Variants in NOX3 observed in about 807,000 individuals in gnomAD.
The protein encoded by NOX3 is NADPH oxidase catalytic subunit-like 3.
Under a neutral mutation model 76.7 loss-of-function variants are expected in NOX3, and 74 were observed. The observed-to-expected ratio is 0.96, with a 90% CI of 0.80 to 1.17. The LOEUF is 1.17. Among genes scored for constraint, NOX3 ranks in the 50% most tolerant of loss-of-function variants. NOX3 has a pLI of 0.00. For missense variants in NOX3, 695 were observed against 703.3 expected, an observed-to-expected ratio of 0.99 and a Z score of 0.13; for synonymous variants, 263 against 261.1, an observed-to-expected ratio of 1.01 and a Z score of -0.07.
chr6:155,433,024 A>T lies in NOX3; in HGVS notation c.799-2089T>A, dbSNP rs145383304. Among the ~76,000 whole-genome samples, 29 of 152,350 alleles carry T rather than the reference A, an allele frequency of 1.9e-4. No homozygotes were observed. In the East Asian group the frequency reaches 5.0e-3, roughly 26 times the overall value. ...AAAAGAGATACTGGCAAAGACACTC[A>T]GTCTTCATATATTTTTACAAATAAT... On this transcript the variant is annotated intron_variant, in intron 7 of 13. Transcript: ENST00000159060.
rs372643222 is a variant in NOX3 at position 155,422,781 on chromosome 6, C to T, written c.1221G>A (p.Ala407=). The T allele has an allele frequency of 6.6e-5, 107 of 1,614,068 alleles. No homozygotes were observed. The Middle Eastern group carries it at 1.2e-3, about 17-fold the overall frequency. Residue 407 remains alanine (A), a synonymous_variant, in exon 10 of 14, where the codon GCG becomes GCA. Transcript: ENST00000159060. ...CAGCGAAGGGAGTGACTCCGATCCC[C>T]GCGGCAACGCACACACACACTGGGT... ...FHYPVCVCVA[A]GIGVTPFAAL...
At chr6:155,425,480 A>G (rs1562464650) in intron 9 of NOX3, among the ~76,000 whole-genome samples, 1 of 152,130 alleles carries the variant, frequency 6.6e-6, no homozygotes, top group East Asian at 1.9e-4. Flanking sequence ...TACCCCATTA[A>G]GTTCCAGTCT....
At chr6:155,440,343 C>A (rs1439262991) in intron 5 of NOX3, among the ~76,000 whole-genome samples, 1 of 152,092 alleles carries the variant, frequency 6.6e-6, no homozygotes, top group East Asian at 1.9e-4. Context: ...TCTTCCACCC[C>A]CTTCCCACCA....
intron 12 of NOX3, among the ~76,000 whole-genome samples, chr6:155,401,455 C>A (rs74964010): frequency 0.013 from 1,983 of 152,204 alleles, 53 homozygotes; most frequent in African/African-American, 0.045. Context: ...ATAAAGGGCC[C>A]TGTATGCTAT....
At chr6:155,434,145 G>C (rs575388472) in intron 7 of NOX3, among the ~76,000 whole-genome samples, 25 of 152,264 alleles carry the variant, frequency 1.6e-4, no homozygotes, top group African/African-American at 4.8e-4. Context: ...CAGGTCCCAC[G>C]TGTCTGAATC....
chr6:155,455,235 T>C (rs941863303), intron 1 of NOX3, 106 bp from the exon 2 acceptor site: 12 of 682,056 alleles, frequency 1.8e-5, no homozygotes, highest in African/African-American at 7.3e-5. Context: ...AGCTTCTCAA[T>C]ATTAATCAGA....
intron 4 of NOX3, among the ~76,000 whole-genome samples, chr6:155,447,567 C>A (rs1777079924): frequency 6.6e-6 from 1 of 152,212 alleles, no homozygotes; most frequent in South Asian, 2.1e-4. Flanking sequence ...TTTCAAGAGG[C>A]AGCTTCTGAG....
At chr6:155,405,965 A>G (rs1776452340) in intron 12 of NOX3, among the ~76,000 whole-genome samples, 1 of 152,076 alleles carries the variant, frequency 6.6e-6, no homozygotes, top group Non-Finnish European at 1.5e-5. Context: ...TACCTCTCCT[A>G]CAGCATGGCT....
intron 10 of NOX3, among the ~76,000 whole-genome samples, chr6:155,422,388 G>A (rs777115375): frequency 3.3e-5 from 5 of 152,102 alleles, no homozygotes; most frequent in Non-Finnish European, 5.9e-5. Context: ...TTAATATTGC[G>A]AACTGCCACC....
intron 11 of NOX3, among the ~76,000 whole-genome samples, chr6:155,408,723 C>T (rs913565081): frequency 1.3e-5 from 2 of 152,120 alleles, no homozygotes; most frequent in African/African-American, 4.8e-5. Flanking sequence ...CAACAGTTGA[C>T]TGGACAAAGA....
chr6:155,419,818 C>G (rs1361123420), intron 10 of NOX3, among the ~76,000 whole-genome samples: 1 of 152,004 alleles, frequency 6.6e-6, no homozygotes, highest in Admixed American at 6.6e-5. Context: ...AAGATTTTTC[C>G]TCTATATTCC....
At chr6:155,445,857 T>C (rs902018505) in intron 4 of NOX3, among the ~76,000 whole-genome samples, 5 of 127,494 alleles carry the variant, frequency 3.9e-5, no homozygotes, top group Non-Finnish European at 6.4e-5. Flanking sequence ...GTGTTTTCTC[T>C]GCTGACATAT....
chr6:155,423,795 C>T (rs1225942092), intron 9 of NOX3, among the ~76,000 whole-genome samples: 1 of 146,282 alleles, frequency 6.8e-6, no homozygotes, highest in Non-Finnish European at 1.5e-5. Flanking sequence ...GGCTGGAGTG[C>T]AGTGATGCGA....
chr6:155,396,161 G>T (rs1412237343), intron 13 of NOX3, among the ~76,000 whole-genome samples: 3 of 152,100 alleles, frequency 2.0e-5, no homozygotes, highest in Non-Finnish European at 2.9e-5. Flanking sequence ...ATTTAGTATT[G>T]TTTGGACCAG....
chr6:155,412,409 A>G (rs554130349), intron 10 of NOX3, among the ~76,000 whole-genome samples: 22 of 152,354 alleles, frequency 1.4e-4, no homozygotes, highest in African/African-American at 4.6e-4. Context: ...AAAGCTAAAC[A>G]TCTTGTCTAT....
chr6:155,444,603 A>C (rs758227600), intron 4 of NOX3, among the ~76,000 whole-genome samples: 1 of 152,230 alleles, frequency 6.6e-6, no homozygotes, highest in Non-Finnish European at 1.5e-5. Context: ...CAAATCTTCT[A>C]TCTGAAATTG....
At chr6:155,403,030 A>C (rs1779255067) in intron 12 of NOX3, among the ~76,000 whole-genome samples, 1 of 152,210 alleles carries the variant, frequency 6.6e-6, no homozygotes, top group Non-Finnish European at 1.5e-5. Context: ...TTATCTCTTT[A>C]ATAACCATCC....
intron 8 of NOX3, among the ~76,000 whole-genome samples, chr6:155,429,547 A>C (rs902582197): frequency 6.6e-6 from 1 of 152,142 alleles, no homozygotes; most frequent in African/African-American, 2.4e-5. Flanking sequence ...ACTCACTTCA[A>C]ACTCTTTTCT....
intron 4 of NOX3, 93 bp downstream of exon 4, chr6:155,453,311 A>G (rs1582950859): frequency 1.1e-6 from 1 of 952,294 alleles, no homozygotes; most frequent in East Asian, 2.4e-5. Context: ...CTTTTACCTG[A>G]GGGTGAGACT....
Sources: allele counts gnomAD v4.1 joint callset (sites outside exome capture counted in the v4.1 genomes callset), GRCh38; gene constraint gnomAD v4.1.1; transcripts MANE v1.5; gene names NCBI Gene and HGNC (gene_info 2026-07-23, HGNC 2026-07-21).